SNRPB2: variants seen among roughly 807,000 people sequenced by gnomAD.
SNRPB2 encodes the protein small nuclear ribonucleoprotein polypeptide B2, also known as U2 small nuclear ribonucleoprotein B''.
Under a neutral mutation model 26.3 loss-of-function variants are expected in SNRPB2, and 16 were observed. The observed-to-expected ratio is 0.61, with a 90% CI of 0.41 to 0.92. SNRPB2 has a LOEUF of 0.92. Among genes scored for constraint, SNRPB2 ranks in the 40% least tolerant of loss-of-function variants. The pLI, the probability that SNRPB2 is intolerant of heterozygous loss-of-function variation, is 0.00. For synonymous variants in SNRPB2, 75 were observed against 89.0 expected, an observed-to-expected ratio of 0.84 and a Z score of 0.88; for missense variants, 179 against 268.1, an observed-to-expected ratio of 0.67 and a Z score of 2.32.
At chr20:16,738,430 C>G (rs1235128240) in intron 4 of SNRPB2, among the ~76,000 whole-genome samples, 2 of 113,376 alleles carry the variant, frequency 1.8e-5, no homozygotes, top group Non-Finnish European at 3.4e-5. Context: ...GTGACAAGAG[C>G]AAGACTCCAT....
intron 3 of SNRPB2, among the ~76,000 whole-genome samples, chr20:16,732,856 T>C (rs1182199034): frequency 1.3e-5 from 2 of 152,142 alleles, no homozygotes; most frequent in African/African-American, 4.8e-5. Flanking sequence ...AACTCAGGAA[T>C]GACATAATGA....
chr20:16,735,030 C>G (rs1341580083), intron 3 of SNRPB2, among the ~76,000 whole-genome samples: 1 of 152,134 alleles, frequency 6.6e-6, no homozygotes, highest in African/African-American at 2.4e-5. Flanking sequence ...GGGATAAGCA[C>G]ACTTAGAGCC....
At position 16,738,349 on chromosome 20, in the gene SNRPB2, A is replaced by G. The variant is rs530092552; in HGVS notation, c.379-503A>G. 3.8e-4 allele frequency among the ~76,000 whole-genome samples: 58 copies of G among 151,054 alleles called. 1 individual carries two copies. Among genetic ancestry groups the G allele is most frequent in the Non-Finnish European group, 6.8e-4 (46 of 67,782 alleles). Reference sequence around the variant, plus strand: ...CCCAGCTACTCAGGAGGCTTGAAGCAGGAGAATTGGTTGAACCTGGGAGGC... The same window carrying G: ...CCCAGCTACTCAGGAGGCTTGAAGCGGGAGAATTGGTTGAACCTGGGAGGC... On this transcript the variant is annotated intron_variant, in intron 4 of 6. Coordinates refer to ENST00000246071, the MANE Select transcript of SNRPB2 (RefSeq NM_003092.5).
intron 3 of SNRPB2, among the ~76,000 whole-genome samples, chr20:16,734,462 G>A (rs2072412400): frequency 6.6e-6 from 1 of 152,180 alleles, no homozygotes; most frequent in Non-Finnish European, 1.5e-5. Context: ...AATGCCAAAA[G>A]TACCTTAATA....
chr20:16,739,005 C>G, intron 5 of SNRPB2, 103 bp downstream of exon 5: 2 of 755,714 alleles, frequency 2.6e-6, no homozygotes, highest in Admixed American at 4.3e-5. Context: ...ATGATTTCAT[C>G]TACAAGACAC....
intron 5 of SNRPB2, 78 bp from the exon 6 acceptor site, chr20:16,740,247 T>C: frequency 6.3e-7 from 1 of 1,578,604 alleles, no homozygotes; most frequent in Non-Finnish European, 8.6e-7. Flanking sequence ...TATTGTTTGA[T>C]ATAGTAAGAT....
chr20:16,730,191 G>T (rs2072379607), intron 1 of SNRPB2, 27 bp downstream of exon 1: 1 of 152,410 alleles, frequency 6.6e-6, no homozygotes, highest in Non-Finnish European at 1.5e-5. Flanking sequence ...CCCGGGTTTG[G>T]ATCTCGGAGG....
At chr20:16,734,760 A>G (rs12481238) in intron 3 of SNRPB2, among the ~76,000 whole-genome samples, 3,139 of 152,322 alleles carry the variant, frequency 0.021, 61 homozygotes, top group Admixed American at 0.054. Flanking sequence ...GCTCTGACAG[A>G]CAAAATCACC....
At chr20:16,739,905 ATTTTT>A (rs200518385) in intron 5 of SNRPB2, among the ~76,000 whole-genome samples, 2 of 139,370 alleles carry the variant, frequency 1.4e-5, no homozygotes, top group East Asian at 2.1e-4. Context: ...TCTAGTTCCA[ATTTTT>A]TTTTTTTTTT....
At chr20:16,735,820 T>G (rs2072422573) in intron 3 of SNRPB2, among the ~76,000 whole-genome samples, 1 of 152,226 alleles carries the variant, frequency 6.6e-6, no homozygotes, top group South Asian at 2.1e-4. Flanking sequence ...GTAAGTTGAT[T>G]CCACTGTTAA....
At chr20:16,731,506 A>T (rs2072390613) in intron 1 of SNRPB2, among the ~76,000 whole-genome samples, 162 bp from the exon 2 acceptor site, 1 of 152,224 alleles carries the variant, frequency 6.6e-6, no homozygotes, top group Admixed American at 6.5e-5. Flanking sequence ...CTTCTTCTGT[A>T]TGAAAAGGAG....
At chr20:16,735,298 A>G (rs934376763) in intron 3 of SNRPB2, among the ~76,000 whole-genome samples, 11 of 149,662 alleles carry the variant, frequency 7.3e-5, no homozygotes, top group African/African-American at 2.8e-4. Flanking sequence ...ATTGTATACA[A>G]AGTAATTTGT....
intron 1 of SNRPB2, 116 bp downstream of exon 1, chr20:16,730,280 T>C (rs2072380446): frequency 6.5e-6 from 1 of 152,724 alleles, no homozygotes; most frequent in Admixed American, 6.5e-5. Flanking sequence ...TAGGGGGCCT[T>C]GGGCGAAGGT....
rs568421271 is a variant in SNRPB2 at position 16,736,030 on chromosome 20, G to GT, written c.238-1224dup. On this transcript the variant is annotated intron_variant, in intron 3 of 6. Coordinates refer to ENST00000246071, the MANE Select transcript of SNRPB2 (RefSeq NM_003092.5). ...TGTTGTTTTTGTTCTGTGTGTGTCT[G>GT]TTTTTTTAAACACACGTGCTTATAG... Among the ~76,000 whole-genome samples, 31 of 152,224 alleles carry GT rather than the reference G, an allele frequency of 2.0e-4. No individual in the cohort carries two copies. In the South Asian group the frequency reaches 6.2e-3, roughly 31 times the overall value.
At chr20:16,735,968 G>A (rs944726768) in intron 3 of SNRPB2, among the ~76,000 whole-genome samples, 17 of 152,216 alleles carry the variant, frequency 1.1e-4, no homozygotes, top group African/African-American at 2.4e-4. Flanking sequence ...AGAGTCACTG[G>A]TAAGGGGAAG....
rs750032884 is a variant in SNRPB2, at chr20:16,740,805, AT to A, written c.519-40del. On this transcript the variant is annotated intron_variant, in intron 6 of 6. Transcript: ENST00000246071. ...AAATTTTAACACAAAGCAAACATTT[AT>A]GTACTTGCTGTATACATGAATTGTT... The A allele has an allele frequency of 3.4e-5, 50 of 1,464,426 alleles. 1 individual carries two copies. In the South Asian group the frequency reaches 5.6e-4, roughly 16 times the overall value. 90.7% of individuals were successfully genotyped at this position (1,464,426 alleles called of 1,614,324 possible). A position where few individuals can be genotyped will look rare whatever the true frequency, so the allele number is the denominator to read the frequency against.
At chr20:16,732,970 G>T (rs2072402649) in intron 3 of SNRPB2, among the ~76,000 whole-genome samples, 1 of 152,184 alleles carries the variant, frequency 6.6e-6, no homozygotes, top group Non-Finnish European at 1.5e-5. Context: ...GATGGTAGAG[G>T]ATCAGATAAG....
In SNRPB2 at chr20:16,741,095, TGAG is replaced by T. The variant is rs1423852280; in HGVS notation, c.*97_*99del. On this transcript the variant is annotated 3_prime_UTR_variant, in exon 7 of 7. Transcript: ENST00000246071. The stretch of plus-strand genomic sequence containing the variant: ...GCTGGGTCATTTTAATAGTTAGAGA[TGAG>T]GAGGAGTAAAAGTGAAATTTTTGTG... The T allele has an allele frequency of 7.5e-5, 71 of 944,458 alleles. No individual in the cohort carries two copies. Among genetic ancestry groups the T allele is most frequent in the Non-Finnish European group, 1.0e-4 (65 of 649,440 alleles). 58.5% of individuals were successfully genotyped at this position (944,458 alleles called of 1,614,324 possible).
At chr20:16,737,954 G>A (rs1232624806) in intron 4 of SNRPB2, among the ~76,000 whole-genome samples, 2 of 150,352 alleles carry the variant, frequency 1.3e-5, no homozygotes, top group Admixed American at 6.7e-5. Flanking sequence ...CAGGAGAATA[G>A]CATGAACCTG....
Sources: allele counts gnomAD v4.1 joint callset (sites outside exome capture counted in the v4.1 genomes callset), GRCh38; gene constraint gnomAD v4.1.1; transcripts MANE v1.5; gene names NCBI Gene and HGNC (gene_info 2026-07-23, HGNC 2026-07-21).